CHRM3: variants seen among roughly 807,000 people sequenced by gnomAD.
CHRM3 encodes muscarinic acetylcholine receptor M3.
A neutral mutation model predicts 41.8 loss-of-function variants in CHRM3; 11 were observed. The observed-to-expected ratio is 0.26, with a 90% confidence interval of 0.17 to 0.44. The LOEUF is 0.44. Among genes scored for constraint, CHRM3 ranks in the 20% least tolerant of loss-of-function variants. CHRM3 has a pLI of 1.00. For missense variants in CHRM3, 571 were observed against 745.4 expected (o/e 0.77, Z 2.72); for synonymous variants, 297 against 301.4 (o/e 0.99, Z 0.15).
intron 1 of CHRM3, among the ~76,000 whole-genome samples, chr1:239,392,154 T>C (rs1425037807): frequency 6.6e-6 from 1 of 152,194 alleles, no homozygotes; most frequent in African/African-American, 2.4e-5. Context: ...CCCCTTTCTT[T>C]CTATTCTGTC....
intron 5 of CHRM3, among the ~76,000 whole-genome samples, chr1:239,687,464 A>G (rs1043665897): frequency 7.2e-5 from 11 of 152,160 alleles, no homozygotes; most frequent in African/African-American, 2.7e-4. Context: ...TACTAAAATT[A>G]ATCATTAACT....
At chr1:239,835,451 G>A (rs1673232677) in intron 6 of CHRM3, among the ~76,000 whole-genome samples, 1 of 151,898 alleles carries the variant, frequency 6.6e-6, no homozygotes, top group Non-Finnish European at 1.5e-5. Flanking sequence ...AAGATTGTTT[G>A]GGCAATGCTG....
chr1:239,657,305 G>A (rs944901762), intron 4 of CHRM3, among the ~76,000 whole-genome samples: 1 of 152,294 alleles, frequency 6.6e-6, no homozygotes, highest in Admixed American at 6.5e-5. Flanking sequence ...AAATTGTCCA[G>A]TTTTAAGTAA....
chr1:239,443,456 C>A (rs989017662), intron 1 of CHRM3, among the ~76,000 whole-genome samples: 6 of 152,024 alleles, frequency 3.9e-5, no homozygotes, highest in Admixed American at 2.6e-4. Flanking sequence ...GAAAAAAAAA[C>A]TTCCAGTAAC....
At chr1:239,448,425 G>T (rs1450920765) in intron 1 of CHRM3, among the ~76,000 whole-genome samples, 1 of 152,058 alleles carries the variant, frequency 6.6e-6, no homozygotes, top group Admixed American at 6.6e-5. Flanking sequence ...TATTAGGTTG[G>T]AGTCTAGAAT....
chr1:239,738,473 G>T (rs903447430), intron 5 of CHRM3, among the ~76,000 whole-genome samples: 2 of 152,198 alleles, frequency 1.3e-5, no homozygotes, highest in Admixed American at 6.5e-5. Flanking sequence ...AGGCTCAGGG[G>T]GGGTTTGGGA....
intron 5 of CHRM3, among the ~76,000 whole-genome samples, chr1:239,776,829 G>A (rs1020820048): frequency 1.3e-5 from 2 of 152,102 alleles, no homozygotes; most frequent in African/African-American, 4.8e-5. Flanking sequence ...TCGTCACATG[G>A]CAGCAGCAAG....
At chr1:239,466,921 A>G (rs1325455204) in intron 1 of CHRM3, among the ~76,000 whole-genome samples, 1 of 152,222 alleles carries the variant, frequency 6.6e-6, no homozygotes, top group Non-Finnish European at 1.5e-5. Context: ...GATGAAGTGC[A>G]GAAGTGTGAA....
chr1:239,461,596 C>T (rs1665364844), intron 1 of CHRM3, among the ~76,000 whole-genome samples: 3 of 152,140 alleles, frequency 2.0e-5, no homozygotes, highest in Admixed American at 6.5e-5. Context: ...GTGCGTGCCT[C>T]CATATACGCA....
intron 6 of CHRM3, among the ~76,000 whole-genome samples, chr1:239,833,750 G>T (rs1230224312): frequency 6.6e-6 from 1 of 152,158 alleles, no homozygotes; most frequent in Non-Finnish European, 1.5e-5. Flanking sequence ...ATTACTTTCA[G>T]CATAAAACTG....
At chr1:239,763,746 A>G (rs141154178) in intron 5 of CHRM3, among the ~76,000 whole-genome samples, 2 of 152,244 alleles carry the variant, frequency 1.3e-5, no homozygotes, top group African/African-American at 2.4e-5. Flanking sequence ...CACTGGGAAT[A>G]TAAAAGACAA....
chr1:239,741,825 G>A (rs1390342933), intron 5 of CHRM3, among the ~76,000 whole-genome samples: 1 of 152,200 alleles, frequency 6.6e-6, no homozygotes, highest in African/African-American at 2.4e-5. Flanking sequence ...TATGAGAGCT[G>A]CGGTGGATTA....
chr1:239,552,587 A>C (rs1659971486), intron 3 of CHRM3, among the ~76,000 whole-genome samples: 1 of 147,596 alleles, frequency 6.8e-6, no homozygotes, highest in African/African-American at 2.5e-5. Flanking sequence ...CCAGTCTCCC[A>C]AATAGCTGGG....
chr1:239,683,056 A>G (rs1181110835), intron 5 of CHRM3, among the ~76,000 whole-genome samples: 2 of 152,198 alleles, frequency 1.3e-5, no homozygotes, highest in African/African-American at 4.8e-5. Flanking sequence ...CAGTCACCCT[A>G]CTGTGTTATA....
chr1:239,673,527 T>G (rs1657626663), intron 4 of CHRM3, among the ~76,000 whole-genome samples: 1 of 152,206 alleles, frequency 6.6e-6, no homozygotes, highest in Admixed American at 6.5e-5. Context: ...CAGCTATGTT[T>G]GCTTTTTATT....
chr1:239,699,029 A>G (rs1007342652), intron 5 of CHRM3, among the ~76,000 whole-genome samples: 6 of 152,210 alleles, frequency 3.9e-5, no homozygotes, highest in Non-Finnish European at 5.9e-5. Flanking sequence ...TGAGACCTTC[A>G]TAGTTTGTCA....
chr1:239,786,511 G>A (rs139142278), intron 5 of CHRM3, among the ~76,000 whole-genome samples: 57 of 152,340 alleles, frequency 3.7e-4, no homozygotes, highest in Non-Finnish European at 7.3e-4. Flanking sequence ...TTAGCAGTAG[G>A]AGAGGAGTCT....
At chr1:239,708,421 G>T (rs1661397679) in intron 5 of CHRM3, among the ~76,000 whole-genome samples, 1 of 152,166 alleles carries the variant, frequency 6.6e-6, no homozygotes, top group African/African-American at 2.4e-5. Flanking sequence ...CTTTTGCACA[G>T]TAGCTGGAGT....
intron 2 of CHRM3, among the ~76,000 whole-genome samples, chr1:239,519,377 C>T (rs1395955100): frequency 1.3e-5 from 2 of 152,136 alleles, no homozygotes; most frequent in Admixed American, 6.5e-5. Context: ...CTTTATGAGA[C>T]GTACCAAATA....
Sources: gnomAD v4.1 joint callset for allele counts (sites outside exome capture counted in the v4.1 genomes callset) on GRCh38, gnomAD v4.1.1 for gene constraint, MANE v1.5 for transcripts, NCBI Gene and HGNC (gene_info 2026-07-23, HGNC 2026-07-21) for gene names.